QSOX2: variants seen among roughly 807,000 people sequenced by gnomAD.
QSOX2 encodes quiescin sulfhydryl oxidase 2.
A neutral mutation model predicts 61.7 loss-of-function variants in QSOX2; 46 were observed. The observed-to-expected ratio is 0.75, with a 90% CI of 0.59 to 0.95. The LOEUF is 0.95. Among genes scored for constraint, QSOX2 ranks in the 40% least tolerant of loss-of-function variants. QSOX2 has a pLI of 0.00. For missense variants in QSOX2, 879 were observed against 918.9 expected (o/e 0.96, Z 0.56); for synonymous variants, 383 against 388.4 (o/e 0.99, Z 0.16).
intron 3 of QSOX2, 38 bp downstream of exon 3, chr9:136,224,823 G>GA (rs2131059126): frequency 6.9e-7 from 1 of 1,446,344 alleles, no homozygotes; most frequent in African/African-American, 1.4e-5. Flanking sequence ...TTTATGAGGG[G>GA]AATCTCAGGG....
chr9:136,229,410 C>A (rs1297238597), intron 1 of QSOX2, among the ~76,000 whole-genome samples: 1 of 152,246 alleles, frequency 6.6e-6, no homozygotes, highest in African/African-American at 2.4e-5. Flanking sequence ...TGCATCCTGG[C>A]GAAGTGTCTC....
At position 136,208,750 on chromosome 9, in the gene QSOX2, T is replaced by C. The variant is rs1204504915; in HGVS notation, c.2075A>G (p.Lys692Arg). 9.9e-6 allele frequency: 16 copies of C among 1,611,670 alleles called. No individual in the cohort carries two copies. Among genetic ancestry groups the C allele is most frequent in the Non-Finnish European group, 1.4e-5 (16 of 1,178,748 alleles). Residue 692 changes from lysine (K) to arginine (R), a missense_variant, in exon 12 of 12, where the codon AAG becomes AGG. By Grantham distance (26) the Lys-to-Arg change is conservative. Coordinates refer to ENST00000358701, the MANE Select transcript of QSOX2 (RefSeq NM_181701.4). ...FRVRSRRWKVKHHHPAV is the reference protein window; with the variant it reads ...FRVRSRRWKVRHHHPAV Reference sequence around the variant, plus strand: ...CACTCACACGGCCGGGTGGTGGTGCTTGACCTTCCACCGCCTGGACCTCAC... The same window carrying C: ...CACTCACACGGCCGGGTGGTGGTGCCTGACCTTCCACCGCCTGGACCTCAC...
intron 6 of QSOX2, among the ~76,000 whole-genome samples, 160 bp from the exon 7 acceptor site, chr9:136,219,324 C>T (rs1831953798): frequency 6.6e-6 from 1 of 152,208 alleles, no homozygotes; most frequent in East Asian, 1.9e-4. Flanking sequence ...CGCCTGGGCT[C>T]CGGCTGCGCT....
chr9:136,243,307 C>T (rs1329333307), intron 1 of QSOX2, among the ~76,000 whole-genome samples: 2 of 152,314 alleles, frequency 1.3e-5, no homozygotes, highest in East Asian at 1.9e-4. Flanking sequence ...AGACATTTAA[C>T]GAGTCTGACA....
intron 11 of QSOX2, chr9:136,210,983 G>A (rs1172109329): frequency 2.1e-5 from 17 of 811,612 alleles, no homozygotes; most frequent in Non-Finnish European, 2.5e-5. Context: ...GGCTACCAGT[G>A]GGTACCGATG....
At chr9:136,212,526 G>T (rs1831859261) in intron 10 of QSOX2, among the ~76,000 whole-genome samples, 2 of 151,870 alleles carry the variant, frequency 1.3e-5, no homozygotes, top group Non-Finnish European at 2.9e-5. Flanking sequence ...ACCCAGAAAG[G>T]TGAGAGCAGA....
In QSOX2 at chr9:136,208,990, G is replaced by T; in HGVS notation, c.1835C>A (p.Pro612His). Residue 612 changes from proline to histidine, a missense_variant, in exon 12 of 12, where the codon CCT (proline) becomes CAT (histidine). Physicochemically the swap from Pro to His is moderately conservative, Grantham distance 77 (BLOSUM62 -2). Coordinates refer to ENST00000358701, the MANE Select transcript of QSOX2 (RefSeq NM_181701.4). ...GGCAGGCCTGGGGCCCAGTGCACCA[G>T]GTGGACGGACGCTCTGGGTGTCTCG... Reference protein sequence around the residue: ...GDRDTQSVRPPGALGPRPALP... With the variant: ...GDRDTQSVRPHGALGPRPALP... 5 of 1,613,840 alleles carry T rather than the reference G, an allele frequency of 3.1e-6. No homozygotes were observed. The highest frequency in any genetic ancestry group is 4.2e-6 in the Non-Finnish European group (5 of 1,179,806).
In QSOX2 at chr9:136,222,641, G is replaced by A. The variant is rs1830229964; in HGVS notation, c.676-700C>T. 6.6e-6 allele frequency among the ~76,000 whole-genome samples: 1 copy of A among 152,180 alleles called. No individual in the cohort carries two copies. Among genetic ancestry groups the A allele is most frequent in the Non-Finnish European group, 1.5e-5 (1 of 68,030 alleles). On this transcript the variant is annotated intron_variant, in intron 5 of 11. Transcript: ENST00000358701. This position sits in a 1 kb window ranked among gnomAD's most constrained non-coding sequence, Gnocchi z 6.9. Reference sequence around the variant, plus strand: ...CTGATCGCTACTCTGGGGCCACACTGGTCTCTGCTCTGGGCCATGCCGTGA... The same window carrying A: ...CTGATCGCTACTCTGGGGCCACACTAGTCTCTGCTCTGGGCCATGCCGTGA...
chr9:136,231,285 C>T (rs1157768372), intron 1 of QSOX2, among the ~76,000 whole-genome samples: 2 of 152,192 alleles, frequency 1.3e-5, no homozygotes, highest in Non-Finnish European at 2.9e-5. Flanking sequence ...CAGAATACGC[C>T]CCCATCCTAC....
intron 2 of QSOX2, among the ~76,000 whole-genome samples, chr9:136,225,578 G>A (rs991094498): frequency 2.0e-5 from 3 of 152,212 alleles, no homozygotes; most frequent in African/African-American, 7.2e-5. Context: ...GTCCCTGGGC[G>A]AGCACAAAAC....
In QSOX2 at chr9:136,222,132, A is replaced by G. The variant is rs1489965861; in HGVS notation, c.676-191T>C. Among the ~76,000 whole-genome samples, 1 of 152,196 alleles carries G rather than the reference A, an allele frequency of 6.6e-6. No individual in the cohort carries two copies. The highest frequency in any genetic ancestry group is 1.5e-5 in the Non-Finnish European group (1 of 68,046). ...GGCAACTGACGGCACACACGCCATG[A>G]GCAGAAACCACGGTCTTATTCGGCA... On this transcript the variant is annotated intron_variant, in intron 5 of 11. Transcript: ENST00000358701. This position sits in a 1 kb window ranked among gnomAD's most constrained non-coding sequence, Gnocchi z 6.9.
chr9:136,217,954 T>G (rs1438199699), intron 8 of QSOX2, among the ~76,000 whole-genome samples: 2 of 152,272 alleles, frequency 1.3e-5, no homozygotes, highest in African/African-American at 4.8e-5. Context: ...ACTTTGTAAG[T>G]AAACTCTATC....
At position 136,209,258 on chromosome 9, in the gene QSOX2, G is replaced by C. The variant is rs1054283128; in HGVS notation, c.1567C>G (p.Pro523Ala). Residue 523 changes from proline (P) to alanine (A), a missense_variant, in exon 12 of 12, where the codon CCC becomes GCC. By Grantham distance (27) the Pro-to-Ala change is conservative (BLOSUM62 -1). Transcript: ENST00000358701. This position sits in a 1 kb window ranked among gnomAD's most constrained non-coding sequence, Gnocchi z 5.6. The part of the protein sequence containing the change: ...GRLAGHLSED[P>A]RFPKLQWPTP... ...GGCCACTGAAGCTTTGGAAACCGGG[G>C]ATCCTCACTCAGATGGCCTAGGAAG... is the stretch of plus-strand genomic sequence containing the variant. The C allele has an allele frequency of 6.8e-6, 11 of 1,612,720 alleles. No homozygotes were observed. The African/African-American group carries it at 1.5e-4, about 22-fold the overall frequency.
At chr9:136,236,232 A>C (rs980944023) in intron 1 of QSOX2, among the ~76,000 whole-genome samples, 3 of 152,148 alleles carry the variant, frequency 2.0e-5, no homozygotes, top group African/African-American at 7.2e-5. Flanking sequence ...GCTCTCCTCC[A>C]TGGGGCACCC....
Position 136,223,924 on chromosome 9 carries a change from C to T in QSOX2, c.585-71G>A. 6.4e-7 allele frequency: 1 copy of T among 1,572,188 alleles called. No homozygotes were observed. Among genetic ancestry groups the T allele is most frequent in the Non-Finnish European group, 8.7e-7 (1 of 1,142,858 alleles). On this transcript the variant is annotated intron_variant, in intron 4 of 11. Coordinates refer to ENST00000358701, the MANE Select transcript of QSOX2 (RefSeq NM_181701.4). The surrounding 1 kb of genome is among the most constrained non-coding windows in gnomAD (Gnocchi z 4.4). ...GAGTTGGCCACCACATCCCAGTGGCCACATCACTTAATAGAAACCTATTAC... is the reference window on the plus strand; with the variant it reads ...GAGTTGGCCACCACATCCCAGTGGCTACATCACTTAATAGAAACCTATTAC...
chr9:136,230,701 G>A (rs62579026), intron 1 of QSOX2, among the ~76,000 whole-genome samples: 7,824 of 152,306 alleles, frequency 0.051, 262 homozygotes, highest in African/African-American at 0.083. Context: ...TGATAAGCCA[G>A]TAAACACTCA....
chr9:136,228,390 G>C (rs948828080), intron 1 of QSOX2, among the ~76,000 whole-genome samples: 1 of 152,212 alleles, frequency 6.6e-6, no homozygotes, highest in Non-Finnish European at 1.5e-5. Flanking sequence ...CAGTATCAAA[G>C]TCATGGTTTC....
At position 136,222,478 on chromosome 9, in the gene QSOX2, A is replaced by G. The variant is rs1216652517; in HGVS notation, c.676-537T>C. ...AAGAAACCCTGCGTGCGCCACCACC[A>G]CATCGGGCGTACGTCTTTCCTTCTC... On this transcript the variant is annotated intron_variant, in intron 5 of 11. Coordinates refer to ENST00000358701, the MANE Select transcript of QSOX2 (RefSeq NM_181701.4). The surrounding 1 kb of genome is among the most constrained non-coding windows in gnomAD (Gnocchi z 6.9). Among the ~76,000 whole-genome samples, 1 of 152,226 alleles carries G rather than the reference A, an allele frequency of 6.6e-6. No individual in the cohort carries two copies. Among genetic ancestry groups the G allele is most frequent in the East Asian group, 1.9e-4 (1 of 5,194 alleles).
At chr9:136,238,961 C>T (rs1221623965) in intron 1 of QSOX2, among the ~76,000 whole-genome samples, 1 of 152,128 alleles carries the variant, frequency 6.6e-6, no homozygotes, top group Non-Finnish European at 1.5e-5. Flanking sequence ...AAAGCCAACC[C>T]GGACCACACG....
Sources: allele counts gnomAD v4.1 joint callset (sites outside exome capture counted in the v4.1 genomes callset), GRCh38; gene constraint gnomAD v4.1.1; non-coding constraint Gnocchi (gnomAD v3.1); transcripts MANE v1.5; gene names NCBI Gene and HGNC (gene_info 2026-07-23, HGNC 2026-07-21).